TRPM3: variants seen among roughly 807,000 people sequenced by gnomAD.
TRPM3 encodes long transient receptor potential channel 3.
TRPM3 carries 77 observed loss-of-function variants against 181.2 expected under a neutral mutation model. The ratio of observed to expected loss-of-function variants is 0.42; its 90% CI spans 0.35 to 0.51. The LOEUF is 0.51. TRPM3 is among the 20% of genes least tolerant of loss of function. TRPM3 has a pLI of 0.01. For synonymous variants in TRPM3, 745 were observed against 796.4 expected, an observed-to-expected ratio of 0.94 and a Z score of 1.09; for missense variants, 1,759 against 2,196.7, an observed-to-expected ratio of 0.80 and a Z score of 3.98.
intron 3 of TRPM3, among the ~76,000 whole-genome samples, chr9:70,861,982 G>A (rs144687507): frequency 0.013 from 1,931 of 152,140 alleles, 19 homozygotes; most frequent in Middle Eastern, 0.037. Context: ...AGGGAAGGGA[G>A]AGGTAAGAAA....
chr9:70,749,542 ATAGGGCAG>A (rs1564114697), intron 8 of TRPM3, among the ~76,000 whole-genome samples: 1 of 152,176 alleles, frequency 6.6e-6, no homozygotes, highest in Non-Finnish European at 1.5e-5. Context: ...TTTGGAAACT[ATAGGGCAG>A]AGTTAAGAAA....
intron 1 of TRPM3, among the ~76,000 whole-genome samples, chr9:71,306,035 C>G (rs2132361003): frequency 6.6e-6 from 1 of 152,218 alleles, no homozygotes; most frequent in South Asian, 2.1e-4. Flanking sequence ...ATTCTCCTGT[C>G]AAGTTTGACA....
chr9:71,085,499 A>T (rs1028853165), intron 1 of TRPM3, among the ~76,000 whole-genome samples: 5 of 152,102 alleles, frequency 3.3e-5, no homozygotes, highest in African/African-American at 1.2e-4. Context: ...TCAAAAGAAG[A>T]TACACAAGTG....
intron 1 of TRPM3, among the ~76,000 whole-genome samples, chr9:70,997,502 A>C (rs377489587): frequency 6.6e-6 from 1 of 152,218 alleles, no homozygotes; most frequent in East Asian, 1.9e-4. Context: ...GCCCTATCTT[A>C]ATACTTTTTT....
chr9:70,621,332 T>G (rs2063604186), intron 14 of TRPM3, 59 bp from the exon 15 acceptor site: 1 of 1,301,536 alleles, frequency 7.7e-7, no homozygotes, highest in African/African-American at 1.5e-5. Flanking sequence ...TTCATAAAGG[T>G]AAGAAGAGTC....
At chr9:71,269,298 T>C (rs1411616570) in intron 1 of TRPM3, among the ~76,000 whole-genome samples, 1 of 152,182 alleles carries the variant, frequency 6.6e-6, no homozygotes, top group African/African-American at 2.4e-5. Flanking sequence ...AAAATGTTAA[T>C]TTTGCACACG....
chr9:70,827,823 C>A (rs767954829), intron 6 of TRPM3, 24 bp downstream of exon 6: 1 of 1,610,256 alleles, frequency 6.2e-7, no homozygotes, highest in Non-Finnish European at 8.5e-7. Context: ...ACGAGCCATG[C>A]CAGTGGGAAC....
intron 6 of TRPM3, chr9:70,826,939 T>C (rs2131672421): frequency 6.6e-6 from 1 of 152,366 alleles, no homozygotes; most frequent in South Asian, 2.1e-4. Context: ...TGCATTTAAA[T>C]GCAAGCCACT....
chr9:70,747,582 C>A (rs1172915388), intron 8 of TRPM3, among the ~76,000 whole-genome samples: 1 of 152,134 alleles, frequency 6.6e-6, no homozygotes, highest in Non-Finnish European at 1.5e-5. Flanking sequence ...CAGCAAACCA[C>A]TGCCTGTGGG....
chr9:70,626,968 G>A (rs1032025564), intron 12 of TRPM3, among the ~76,000 whole-genome samples: 8 of 152,042 alleles, frequency 5.3e-5, no homozygotes, highest in African/African-American at 2.4e-5. Flanking sequence ...CCTGGCATAT[G>A]GTGGGCACTC....
At chr9:70,820,088 T>C (rs1263574824) in intron 6 of TRPM3, among the ~76,000 whole-genome samples, 2 of 152,200 alleles carry the variant, frequency 1.3e-5, no homozygotes, top group African/African-American at 4.8e-5. Flanking sequence ...GTGCCATTTA[T>C]GACTACTCTA....
At chr9:71,283,970 G>A (rs186621573) in intron 1 of TRPM3, among the ~76,000 whole-genome samples, 18 of 152,292 alleles carry the variant, frequency 1.2e-4, no homozygotes, top group Admixed American at 3.3e-4. Flanking sequence ...TTTCCTCAGG[G>A]AATTCTGACA....
At chr9:71,117,143 C>A (rs138089441) in intron 1 of TRPM3, among the ~76,000 whole-genome samples, 1 of 152,320 alleles carries the variant, frequency 6.6e-6, no homozygotes, top group Admixed American at 6.5e-5. Flanking sequence ...TTACTTTTGC[C>A]TTAGCCAGGT....
At chr9:70,885,295 T>A (rs2096067430) in intron 1 of TRPM3, among the ~76,000 whole-genome samples, 1 of 152,194 alleles carries the variant, frequency 6.6e-6, no homozygotes, top group Non-Finnish European at 1.5e-5. Context: ...TAGCAACATC[T>A]GTGGCCTGTA....
At chr9:70,551,797 G>A (rs553286652) in intron 24 of TRPM3, among the ~76,000 whole-genome samples, 3 of 152,076 alleles carry the variant, frequency 2.0e-5, no homozygotes, top group Non-Finnish European at 4.4e-5. Flanking sequence ...AGAAGCTTAG[G>A]GTTTATTTCA....
At chr9:71,051,286 A>T (rs2060029171) in intron 1 of TRPM3, among the ~76,000 whole-genome samples, 1 of 152,220 alleles carries the variant, frequency 6.6e-6, no homozygotes, top group Admixed American at 6.5e-5. Context: ...GGACTCAAAA[A>T]CATGTTTAAG....
At chr9:70,570,488 T>A (rs2051985703) in intron 22 of TRPM3, among the ~76,000 whole-genome samples, 1 of 152,022 alleles carries the variant, frequency 6.6e-6, no homozygotes, top group Non-Finnish European at 1.5e-5. Context: ...TGTGTATTTT[T>A]AGTAGAGATG....
chr9:70,663,894 A>C (rs552910411), intron 9 of TRPM3, among the ~76,000 whole-genome samples: 2 of 152,318 alleles, frequency 1.3e-5, no homozygotes, highest in African/African-American at 4.8e-5. Flanking sequence ...GAGAAAGAGC[A>C]CTGATTTTAT....
rs1311376381 is a variant in TRPM3, at chr9:71,275,430, A to G, written c.183+171223T>C. Reference sequence around the variant, plus strand: ...ACAGATTGGAATAGTCAATATTGCAAAAATGTTACTTGATCACAAATTAAT... The same window carrying G: ...ACAGATTGGAATAGTCAATATTGCAGAAATGTTACTTGATCACAAATTAAT... On this transcript the variant is annotated intron_variant, in intron 1 of 24. Coordinates refer to the TRPM3 transcript ENST00000357533. 2.6e-5 allele frequency among the ~76,000 whole-genome samples: 4 copies of G among 152,214 alleles called. No homozygotes were observed. In the East Asian group the frequency reaches 7.7e-4, roughly 29 times the overall value.
Sources: allele counts gnomAD v4.1 joint callset (sites outside exome capture counted in the v4.1 genomes callset), GRCh38; gene constraint gnomAD v4.1.1; transcripts MANE v1.5; gene names NCBI Gene and HGNC (gene_info 2026-07-23, HGNC 2026-07-21).